Variants in TSPAN6 observed in about 807,000 individuals in gnomAD.
TSPAN6 encodes tetraspanin-6.
Under a neutral mutation model 18.0 loss-of-function variants are expected in TSPAN6, and 13 were observed. That is an observed-to-expected ratio of 0.72 (90% CI 0.47 to 1.15). TSPAN6 has a LOEUF of 1.15. TSPAN6 is among the 50% of genes most tolerant of loss of function. TSPAN6 has a pLI of 0.00. For synonymous variants in TSPAN6, 82 were observed against 67.0 expected (o/e 1.22, Z -1.09); for missense variants, 186 against 183.9 (o/e 1.01, Z -0.07).
At position 100,635,721 on chromosome X, in the gene TSPAN6, A is replaced by G. The variant is rs759044623; in HGVS notation, c.113T>C (p.Val38Ala). 2.5e-6 allele frequency: 3 copies of G among 1,180,811 alleles called. No individual in the cohort carries two copies. Among genetic ancestry groups the G allele is most frequent in the Non-Finnish European group, 3.4e-6 (3 of 878,862 alleles). ...FWITGVILLA[V>A]GIWGKVSLEN... ...CAGGCTCACCTTGCCCCAAATGCCA[A>G]CTGCAAGAAGGATAACGCCAGTGAT... Residue 38 changes from valine (V) to alanine (A), a missense_variant, in exon 2 of 8, where the codon GTT becomes GCT. Physicochemically the swap from Val to Ala is moderately conservative, Grantham distance 64. Coordinates refer to ENST00000373020, the MANE Select transcript of TSPAN6 (RefSeq NM_003270.4).
rs1407917391 is a variant in TSPAN6 at position 100,636,803 on chromosome X, A to T, written c.-109T>A. ...CTGCCGAAAACTTACGAGCGTCCAC[A>T]ACTGAGAAGGGCCGGAAACACTGTA... On this transcript the variant is annotated 5_prime_UTR_variant, in exon 1 of 8. Coordinates refer to ENST00000373020, the MANE Select transcript of TSPAN6 (RefSeq NM_003270.4). The T allele has an allele frequency of 1.2e-6, 1 of 849,991 alleles. No individual in the cohort carries two copies. The highest frequency in any genetic ancestry group is 1.6e-6 in the Non-Finnish European group (1 of 629,080). 70.0% of individuals were successfully genotyped at this position (849,991 alleles called of 1,213,427 possible). A position where few individuals can be genotyped will look rare whatever the true frequency, so the allele number is the denominator to read the frequency against.
chrX:100,633,527 C>G lies in TSPAN6; in HGVS notation c.463G>C (p.Gly155Arg), dbSNP rs1227219597. 9 of 1,186,579 alleles carry G rather than the reference C, an allele frequency of 7.6e-6. No homozygotes were observed. The highest frequency in any genetic ancestry group is 9.0e-6 in the Non-Finnish European group (8 of 887,012). ...DKIQNTLHCCGVTDYRDWTDT... is the reference protein window; with the variant it reads ...DKIQNTLHCCRVTDYRDWTDT... ...GTCCAATCTCTATAATCGGTGACAC[C>G]ACAACAATGCAACTGAAAAACCCAA... is the stretch of plus-strand genomic sequence containing the variant. Residue 155 changes from glycine (G) to arginine (R), a missense_variant, in exon 5 of 8, where the codon GGT becomes CGT. Gly to Arg is a moderately radical substitution (Grantham distance 125, BLOSUM62 -2). Transcript: ENST00000373020.
In TSPAN6 at chrX:100,635,251, T is replaced by C. The variant is rs1255578340; in HGVS notation, c.278A>G (p.Tyr93Cys). 6.8e-6 allele frequency: 8 copies of C among 1,174,986 alleles called. No individual in the cohort carries two copies. The highest frequency in any genetic ancestry group is 9.2e-6 in the Non-Finnish European group (8 of 869,378). Residue 93 changes from tyrosine (Y) to cysteine (C), a missense_variant and splice_region_variant, in exon 3 of 8, where the codon TAT (tyrosine) becomes TGT (cysteine). Physicochemically the swap from Tyr to Cys is radical, Grantham distance 194. Coordinates refer to ENST00000373020, the MANE Select transcript of TSPAN6 (RefSeq NM_003270.4). ...AAAAACGAGAGTCAGAAACATTGCATACTGCAGGATAAGAAAGAAAGTCCA... is the reference window on the plus strand; with the variant it reads ...AAAAACGAGAGTCAGAAACATTGCACACTGCAGGATAAGAAAGAAAGTCCA... ...CRASAWMLKL[Y>C]AMFLTLVFLV...
At position 100,633,457 on chromosome X, in the gene TSPAN6, C is replaced by G. The variant is rs769026698; in HGVS notation, c.533G>C (p.Cys178Ser). ...YSEKGFPKSC[C>S]KLEDCTPQRD... ...CTGTGGAGTACAATCTTCAAGTTTA[C>G]AGCAACTCTTAGGAAATCCTTTTTC... The change falls in exon 5 of 8, where the codon TGT (cysteine) becomes TCT (serine). Residue 178 changes from cysteine (C) to serine (S), a missense_variant. Cys to Ser is a moderately radical substitution (Grantham distance 112, BLOSUM62 -1). Coordinates refer to ENST00000373020, the MANE Select transcript of TSPAN6 (RefSeq NM_003270.4). The G allele has an allele frequency of 5.8e-6, 7 of 1,207,669 alleles. No homozygotes were observed. The highest frequency in any genetic ancestry group is 7.8e-6 in the Non-Finnish European group (7 of 892,218).
At chrX:100,631,337 G>A (rs2083057635) in intron 6 of TSPAN6, among the ~76,000 whole-genome samples, 1 of 112,422 alleles carries the variant, frequency 8.9e-6, no homozygotes, top group Non-Finnish European at 1.9e-5. Flanking sequence ...CAAATCTCCA[G>A]CAAACTGAGG....
chrX:100,632,461 T>G, intron 6 of TSPAN6, 24 bp downstream of exon 6: 1 of 1,143,929 alleles, frequency 8.7e-7, no homozygotes, highest in Non-Finnish European at 1.2e-6. Flanking sequence ...ATGAAATATT[T>G]CCTAAGTAAC....
intron 3 of TSPAN6, among the ~76,000 whole-genome samples, chrX:100,634,745 TGCCTCG>T (rs1441801804): frequency 1.8e-5 from 2 of 111,573 alleles, no homozygotes; most frequent in Non-Finnish European, 3.8e-5. Flanking sequence ...GTGATCCACC[TGCCTCG>T]GCCTCCCAAA....
chrX:100,630,999 C>A (rs1439038392), intron 6 of TSPAN6, 133 bp from the exon 7 acceptor site: 16 of 470,991 alleles, frequency 3.4e-5, no homozygotes, highest in Middle Eastern at 1.1e-3. Flanking sequence ...GTTTAATACT[C>A]TGCAGCATCT....
In TSPAN6 at chrX:100,628,272, T is replaced by C. The variant is rs983849590; in HGVS notation, c.*1754A>G. ...TGATTTGCTGTACTTGAGTCACTAT[T>C]TTTCAACTTAATTTTCTTATCACCT... On this transcript the variant is annotated 3_prime_UTR_variant, in exon 8 of 8. Coordinates refer to ENST00000373020, the MANE Select transcript of TSPAN6 (RefSeq NM_003270.4). 1.8e-5 allele frequency: 2 copies of C among 112,330 alleles called. No individual in the cohort carries two copies. The highest frequency in any genetic ancestry group is 3.8e-5 in the Non-Finnish European group (2 of 53,327). The allele number at this position is 112,330 out of a possible 1,213,427, so 9.3% of individuals were successfully genotyped here. A position where few individuals can be genotyped will look rare whatever the true frequency, so the allele number is the denominator to read the frequency against.
intron 5 of TSPAN6, 73 bp downstream of exon 5, chrX:100,633,332 A>G: frequency 9.1e-7 from 1 of 1,096,590 alleles, no homozygotes; most frequent in South Asian, 2.0e-5. Context: ...AAAAAAATTA[A>G]AAACTGGGTC....
rs758395293 is a variant in TSPAN6 at position 100,633,955 on chromosome X, A to G, written c.426T>C (p.His142=). The G allele has an allele frequency of 1.0e-5, 12 of 1,200,046 alleles. No homozygotes were observed. The Middle Eastern group carries it at 6.9e-4, about 69-fold the overall frequency. ...QYNSTGDYRS[H]AVDKIQNTLH... ...CCGTATTTTGGATCTTGTCTACTGC[A>G]TGGCTTCTATAATCTCCTGTAGAGT... The change falls in exon 4 of 8, where the codon CAT becomes CAC. Residue 142 remains histidine, a synonymous_variant. Coordinates refer to ENST00000373020, the MANE Select transcript of TSPAN6 (RefSeq NM_003270.4).
At chrX:100,635,773 C>T in intron 1 of TSPAN6, 27 bp from the exon 2 acceptor site, 3 of 1,095,868 alleles carry the variant, frequency 2.7e-6, no homozygotes, top group Non-Finnish European at 3.7e-6. Context: ...AGAATACAAA[C>T]AGTTACGCAC....
At chrX:100,635,985 T>A (rs980805706) in intron 1 of TSPAN6, among the ~76,000 whole-genome samples, 1 of 111,945 alleles carries the variant, frequency 8.9e-6, no homozygotes, top group African/African-American at 3.2e-5. Context: ...CCATGGCATA[T>A]TTGCCCTAGG....
In TSPAN6 at chrX:100,628,603, G is replaced by T. The variant is rs188496625; in HGVS notation, c.*1423C>A. On this transcript the variant is annotated 3_prime_UTR_variant, in exon 8 of 8. Coordinates refer to ENST00000373020, the MANE Select transcript of TSPAN6 (RefSeq NM_003270.4). ...TTATTAATTTCCCTATTATCCTGAA[G>T]ATACAGGTTACATCCCTCCCTGTAC... 1 of 111,934 alleles carries T rather than the reference G, an allele frequency of 8.9e-6. No homozygotes were observed. The highest frequency in any genetic ancestry group is 2.8e-4 in the East Asian group (1 of 3,588). 9.2% of individuals were successfully genotyped at this position (111,934 alleles called of 1,213,427 possible).
At chrX:100,635,856 C>A (rs986858879) in intron 1 of TSPAN6, 110 bp from the exon 2 acceptor site, 48 of 592,147 alleles carry the variant, frequency 8.1e-5, no homozygotes, top group Non-Finnish European at 1.1e-4. Flanking sequence ...TGCTGGGATA[C>A]GGCAGACAAG....
chrX:100,632,902 G>A (rs1322217473), intron 5 of TSPAN6, among the ~76,000 whole-genome samples: 1 of 106,502 alleles, frequency 9.4e-6, no homozygotes, highest in Non-Finnish European at 1.9e-5. Context: ...CTTCAGACTG[G>A]GTGACAGAGA....
intron 7 of TSPAN6, among the ~76,000 whole-genome samples, 177 bp from the exon 8 acceptor site, chrX:100,630,163 A>C (rs982780330): frequency 3.6e-5 from 4 of 111,871 alleles, no homozygotes; most frequent in Non-Finnish European, 7.5e-5. Flanking sequence ...AACAGTTCTC[A>C]CAGTATTTTA....
chrX:100,636,697 C>G lies in TSPAN6; in HGVS notation c.-3G>C. The G allele has an allele frequency of 2.5e-6, 3 of 1,201,220 alleles. No homozygotes were observed. The highest frequency in any genetic ancestry group is 1.8e-5 in the South Asian group (1 of 54,349). ...AGTCTCCGAGACGGGGACGCCATGA[C>G]TAGCCCGAGACCCTGCACCACCGCA... On this transcript the variant is annotated 5_prime_UTR_variant, in exon 1 of 8. Transcript: ENST00000373020.
rs185861610 is a variant in TSPAN6 at position 100,634,446 on chromosome X, G to A, written c.352-417C>T. 2.2e-4 allele frequency among the ~76,000 whole-genome samples: 25 copies of A among 111,265 alleles called. 1 individual carries two copies. In the Middle Eastern group the frequency reaches 0.014, roughly 62 times the overall value. On this transcript the variant is annotated intron_variant, in intron 3 of 7. Coordinates refer to ENST00000373020, the MANE Select transcript of TSPAN6 (RefSeq NM_003270.4). ...CATTAATGAGCCTTTGCTACTCACC[G>A]AATGTTATTTGAACAACCCCAAGTT...
Sources: gnomAD v4.1 joint callset for allele counts (sites outside exome capture counted in the v4.1 genomes callset) on GRCh38, gnomAD v4.1.1 for gene constraint, MANE v1.5 for transcripts, NCBI Gene and HGNC (gene_info 2026-07-23, HGNC 2026-07-21) for gene names.